The following ESR1 variants were observed in gnomAD, a reference collection of about 807,000 sequenced individuals.
ESR1 encodes estrogen receptor.
A neutral mutation model predicts 52.7 loss-of-function variants in ESR1; 12 were observed. The ratio of observed to expected loss-of-function variants is 0.23; its 90% CI spans 0.15 to 0.37. The LOEUF (loss-of-function observed/expected upper bound fraction) is 0.37. Ranked by LOEUF, ESR1 falls within the 10% of genes least tolerant of loss-of-function variation. The pLI is 1.00. For synonymous variants in ESR1, 305 were observed against 316.8 expected, an observed-to-expected ratio of 0.96 and a Z score of 0.39; for missense variants, 584 against 779.7, an observed-to-expected ratio of 0.75 and a Z score of 2.99.
intron 4 of ESR1, among the ~76,000 whole-genome samples, chr6:151,980,223 C>T (rs2128670352): frequency 6.6e-6 from 1 of 152,226 alleles, no homozygotes. Flanking sequence ...AGCTACATTC[C>T]AATTTGTATT....
chr6:151,856,840 T>C (rs1001058907), intron 2 of ESR1, among the ~76,000 whole-genome samples: 1 of 152,176 alleles, frequency 6.6e-6, no homozygotes, highest in Non-Finnish European at 1.5e-5. Flanking sequence ...GAAGTACCCT[T>C]CTTTTTTTCT....
upstream of ESR1, among the ~76,000 whole-genome samples, chr6:151,801,330 C>A (rs1178823615): frequency 2.0e-5 from 3 of 152,124 alleles, no homozygotes; most frequent in Non-Finnish European, 4.4e-5. Context: ...AACATAGGTA[C>A]ATTATATAAA....
intron 2 of ESR1, among the ~76,000 whole-genome samples, chr6:151,727,312 C>T (rs1016177681): frequency 5.3e-5 from 8 of 152,012 alleles, no homozygotes; most frequent in African/African-American, 1.9e-4. Context: ...AGTGATTCTC[C>T]TGCCTCAGTC....
At chr6:151,775,544 G>A (rs1442306206) in intron 2 of ESR1, among the ~76,000 whole-genome samples, 2 of 151,950 alleles carry the variant, frequency 1.3e-5, no homozygotes, top group Non-Finnish European at 2.9e-5. Flanking sequence ...TCAGAAGATC[G>A]AGACCATCCT....
chr6:152,033,705 A>G (rs192009878), intron 5 of ESR1, among the ~76,000 whole-genome samples: 69 of 152,316 alleles, frequency 4.5e-4, no homozygotes, highest in Middle Eastern at 3.4e-3. Flanking sequence ...GGGACTGTAA[A>G]CTAGTTCAAC....
intron 4 of ESR1, chr6:151,983,582 A>T (rs1254071569): frequency 6.6e-6 from 1 of 152,098 alleles, no homozygotes; most frequent in Non-Finnish European, 1.5e-5. Flanking sequence ...TACTTTGCCT[A>T]TTTATTTCCA....
chr6:151,999,435 G>A (rs1330358515), intron 4 of ESR1, among the ~76,000 whole-genome samples: 1 of 152,046 alleles, frequency 6.6e-6, no homozygotes, highest in African/African-American at 2.4e-5. Context: ...TTAAATAGCA[G>A]TTGTTTTACT....
chr6:151,733,253 G>C (rs1308744709), intron 2 of ESR1, among the ~76,000 whole-genome samples: 1 of 152,118 alleles, frequency 6.6e-6, no homozygotes, highest in Non-Finnish European at 1.5e-5. Context: ...CTAGTATTTG[G>C]ACCCAGACTG....
In ESR1 at chr6:152,102,076, AG is replaced by A. The variant is rs1307627764; in HGVS notation, c.*3112del. The A allele has an allele frequency of 4.7e-6, 1 of 213,554 alleles. No individual in the cohort carries two copies. Among genetic ancestry groups the A allele is most frequent in the African/African-American group, 2.3e-5 (1 of 44,258 alleles). 13.2% of individuals were successfully genotyped at this position (213,554 alleles called of 1,614,324 possible). A position where few individuals can be genotyped will look rare whatever the true frequency, so the allele number is the denominator to read the frequency against. ...TCCAAAGAGAAGACCCTATCAATGT[AG>A]GTTGCAAAATCTAACCCCTAAGGAA... On this transcript the variant is annotated 3_prime_UTR_variant, in exon 8 of 8. Transcript: ENST00000206249.
intron 2 of ESR1, among the ~76,000 whole-genome samples, chr6:151,719,973 A>G (rs1485626264): frequency 1.3e-5 from 2 of 152,206 alleles, no homozygotes; most frequent in African/African-American, 4.8e-5. Flanking sequence ...ACATGATTCA[A>G]CTAGCTACAT....
chr6:151,888,189 C>A (rs1794172820), intron 3 of ESR1, among the ~76,000 whole-genome samples: 1 of 151,966 alleles, frequency 6.6e-6, no homozygotes, highest in African/African-American at 2.4e-5. Context: ...GATTGTTTTT[C>A]CACTTTTGTA....
intron 4 of ESR1, among the ~76,000 whole-genome samples, chr6:151,949,582 G>A (rs974785766): frequency 2.0e-5 from 3 of 152,244 alleles, no homozygotes; most frequent in Non-Finnish European, 4.4e-5. Context: ...TGCACCCACT[G>A]TATAATAAGA....
intron 1 of ESR1, among the ~76,000 whole-genome samples, chr6:151,674,688 C>G (rs1361461474): frequency 6.6e-6 from 1 of 152,188 alleles, no homozygotes; most frequent in East Asian, 1.9e-4. Flanking sequence ...TCTCCAGCAT[C>G]TGTTGTTTCC....
At chr6:151,828,618 G>C (rs1027676586) in intron 1 of ESR1, among the ~76,000 whole-genome samples, 1 of 152,188 alleles carries the variant, frequency 6.6e-6, no homozygotes, top group Non-Finnish European at 1.5e-5. Flanking sequence ...AGAGGTTAAA[G>C]TGTTCCAGAG....
chr6:152,110,616 C>CA (rs2051120680), intron 6 of ESR1, among the ~76,000 whole-genome samples: 1 of 152,066 alleles, frequency 6.6e-6, no homozygotes, highest in Non-Finnish European at 1.5e-5. Context: ...ATCGGTATGC[C>CA]AAACCCCCAT....
chr6:152,093,610 G>T (rs2050378023), intron 6 of ESR1, among the ~76,000 whole-genome samples: 1 of 152,058 alleles, frequency 6.6e-6, no homozygotes, highest in South Asian at 2.1e-4. Flanking sequence ...TTTCTGTCCT[G>T]GATCTATCTG....
At chr6:151,794,916 G>A (rs778580172) in intron 2 of ESR1, among the ~76,000 whole-genome samples, 9 of 151,904 alleles carry the variant, frequency 5.9e-5, no homozygotes, top group African/African-American at 1.2e-4. Context: ...TCTTTATTTC[G>A]TCCAAAACCT....
intron 2 of ESR1, among the ~76,000 whole-genome samples, chr6:151,750,995 C>T (rs1783860778): frequency 6.6e-6 from 1 of 152,192 alleles, no homozygotes; most frequent in African/African-American, 2.4e-5. Flanking sequence ...AGAACTGAAG[C>T]TTAAATAGCG....
upstream of ESR1, among the ~76,000 whole-genome samples, chr6:151,689,220 A>G (rs1778805035): frequency 7.6e-6 from 1 of 130,892 alleles, no homozygotes. Flanking sequence ...GAAAGATTTA[A>G]TTAATTTAGA....
Sources: gnomAD v4.1 joint callset for allele counts (sites outside exome capture counted in the v4.1 genomes callset) on GRCh38, gnomAD v4.1.1 for gene constraint, MANE v1.5 for transcripts, NCBI Gene and HGNC (gene_info 2026-07-23, HGNC 2026-07-21) for gene names.